Variants in BRCA1 observed in about 807,000 individuals in gnomAD.
BRCA1 encodes the protein BRCA1 DNA repair associated, also known as breast cancer type 1 susceptibility protein.
A neutral mutation model predicts 173.7 loss-of-function variants in BRCA1; 140 were observed. The observed-to-expected ratio is 0.81, with a 90% CI of 0.70 to 0.93. The LOEUF is 0.93. Among genes scored for constraint, BRCA1 ranks in the 40% least tolerant of loss-of-function variants. The pLI, the probability that BRCA1 is intolerant of heterozygous loss-of-function variation, is 0.00. For missense variants in BRCA1, 1,983 were observed against 2,172.5 expected (o/e 0.91, Z 1.73); for synonymous variants, 662 against 756.0 (o/e 0.88, Z 2.04).
At chr17:43,113,646 C>T (rs965431412) in intron 3 of BRCA1, among the ~76,000 whole-genome samples, 12 of 152,226 alleles carry the variant, frequency 7.9e-5, no homozygotes, top group Non-Finnish European at 1.6e-4. Flanking sequence ...GTATTATAGG[C>T]GTGAGCCACC....
rs80358166 is a variant in BRCA1 at position 43,051,059 on chromosome 17, T to A, written c.5332+4A>T. 1 of 1,613,814 alleles carries A rather than the reference T, an allele frequency of 6.2e-7. No individual in the cohort carries two copies. The highest frequency in any genetic ancestry group is 8.5e-7 in the Non-Finnish European group (1 of 1,179,706). ...GGAACTCTGGGGTTCTCCCAGGCTC[T>A]TACCTGTGGGCATGTTGGTGAAGGG... is the stretch of plus-strand genomic sequence containing the variant. On this transcript the variant is annotated splice_donor_region_variant and intron_variant, in intron 20 of 22. Transcript: ENST00000357654.
chr17:43,051,638 CTTTTTT>C lies in BRCA1; in HGVS notation c.5278-527_5278-522del, dbSNP rs1163251551. ...TGTACATGCTCCTTGTCTCCTCTGACTTTTTTTTTTTTTTTTGAGACGGAGTCTCTC... is the reference window on the plus strand; with the variant it reads ...TGTACATGCTCCTTGTCTCCTCTGACTTTTTTTTTTGAGACGGAGTCTCTC... On this transcript the variant is annotated intron_variant, in intron 19 of 22. Transcript: ENST00000357654. Among the ~76,000 whole-genome samples, 8 of 141,120 alleles carry C rather than the reference CTTTTTT, an allele frequency of 5.7e-5. No individual in the cohort carries two copies. The South Asian group carries it at 1.8e-3, about 32-fold the overall frequency. The allele number at this position is 141,120 out of a possible 152,430, so 92.6% of individuals were successfully genotyped here.
At chr17:43,091,387 C>T (rs1567788876) in intron 10 of BRCA1, 48 bp downstream of exon 10, 1 of 1,606,604 alleles carries the variant, frequency 6.2e-7, no homozygotes, top group Middle Eastern at 1.7e-4. Flanking sequence ...ACATTTAGCT[C>T]ACTTCTATAA....
Position 43,051,794 on chromosome 17 carries a change from G to A in BRCA1, c.5278-677C>T, listed in dbSNP as rs375117640. 1.8e-4 allele frequency among the ~76,000 whole-genome samples: 27 copies of A among 152,006 alleles called. No individual in the cohort carries two copies. In the East Asian group the frequency reaches 2.9e-3, roughly 16 times the overall value. On this transcript the variant is annotated intron_variant, in intron 19 of 22. Coordinates refer to ENST00000357654, the MANE Select transcript of BRCA1 (RefSeq NM_007294.4). ...TGGGATTACAGGCGCGCACCACCAC[G>A]CCCGGCTAATTTTTGTATTTTTAGT...
chr17:43,044,326 T>G lies in BRCA1; in HGVS notation c.*1352A>C, dbSNP rs1004705814. Reference sequence around the variant, plus strand: ...TGTTTGCTACCAAGTTTATTTGCAGTGTTAACAGCACAACATTTACAAAAC... The same window carrying G: ...TGTTTGCTACCAAGTTTATTTGCAGGGTTAACAGCACAACATTTACAAAAC... On this transcript the variant is annotated 3_prime_UTR_variant, in exon 23 of 23. Transcript: ENST00000357654. The G allele has an allele frequency of 1.0e-5, 5 of 485,964 alleles. No homozygotes were observed. Among genetic ancestry groups the G allele is most frequent in the African/African-American group, 9.7e-5 (5 of 51,286 alleles). 30.1% of individuals were successfully genotyped at this position (485,964 alleles called of 1,614,324 possible).
rs536209322 is a variant in BRCA1, at chr17:43,062,098, CTTT to C, written c.5193+1232_5193+1234del. Among the ~76,000 whole-genome samples, 2,833 of 146,472 alleles carry C rather than the reference CTTT, an allele frequency of 0.019. 40 individuals carry two copies. The highest frequency in any genetic ancestry group is 0.028 in the Non-Finnish European group (1,845 of 66,100). ...GTATATATGCATATGCACACACACA[CTTT>C]TTTTTTTTTAAGAGACAGGGTCTTG... On this transcript the variant is annotated intron_variant, in intron 18 of 22. Transcript: ENST00000357654.
intron 19 of BRCA1, among the ~76,000 whole-genome samples, chr17:43,053,736 G>A (rs904013017): frequency 3.3e-5 from 5 of 152,040 alleles, no homozygotes; most frequent in Non-Finnish European, 5.9e-5. Context: ...TTGGGAGGCC[G>A]AGGTGGGTGG....
At chr17:43,049,381 T>C (rs2051108839) in intron 20 of BRCA1, among the ~76,000 whole-genome samples, 187 bp from the exon 21 acceptor site, 1 of 152,188 alleles carries the variant, frequency 6.6e-6, no homozygotes, top group South Asian at 2.1e-4. Context: ...TTGCCACTGA[T>C]ATGCCATGTA....
At chr17:43,048,602 C>T (rs1283566621) in intron 21 of BRCA1, among the ~76,000 whole-genome samples, 1 of 151,738 alleles carries the variant, frequency 6.6e-6, no homozygotes, top group Non-Finnish European at 1.5e-5. Context: ...GCAACCTCTG[C>T]CTCCCACGTT....
At position 43,156,049 on chromosome 17, in the gene BRCA1, C is replaced by T. The variant is rs35812864; in HGVS notation, c.-20+14077G>A. Among the ~76,000 whole-genome samples, 1,481 of 152,076 alleles carry T rather than the reference C, an allele frequency of 9.7e-3. 35 individuals are homozygous for T. The highest frequency in any genetic ancestry group is 0.034 in the African/African-American group (1,419 of 41,492). On this transcript the variant is annotated intron_variant, in intron 1 of 7. Transcript: ENST00000634433. ...GTCAGGAGTTTGAGACCAGCCTAGCCAATATGGGGAAACCCCGCCTCTGCT... is the reference window on the plus strand; with the variant it reads ...GTCAGGAGTTTGAGACCAGCCTAGCTAATATGGGGAAACCCCGCCTCTGCT...
At chr17:43,130,515 T>C (rs1468347051) in intron 1 of BRCA1, among the ~76,000 whole-genome samples, 4 of 152,198 alleles carry the variant, frequency 2.6e-5, no homozygotes, top group Non-Finnish European at 2.9e-5. Context: ...AGTTTCACCA[T>C]GTTGGCTAGG....
chr17:43,094,616 A>G lies in BRCA1; in HGVS notation c.915T>C (p.Cys305=), dbSNP rs2154485509. The G allele has an allele frequency of 6.2e-7, 1 of 1,614,040 alleles. No individual in the cohort carries two copies. The highest frequency in any genetic ancestry group is 8.5e-7 in the Non-Finnish European group (1 of 1,180,024). Residue 305 remains cysteine, a synonymous_variant, in exon 10 of 23, where the codon TGT becomes TGC. Coordinates refer to ENST00000357654, the MANE Select transcript of BRCA1 (RefSeq NM_007294.4). ...CTAAGCCAGGCTGTTTGCTTTTATT[A>G]CAGAATTCAGCCTTTTCTACATTCA... ...DRMNVEKAEF[C]NKSKQPGLAR...
upstream of BRCA1, among the ~76,000 whole-genome samples, chr17:43,129,618 CA>C (rs375711123): frequency 0.024 from 3,725 of 152,216 alleles, 75 homozygotes; most frequent in Non-Finnish European, 0.035. Context: ...GGACTACAGG[CA>C]CCCGCCATCA....
At chr17:43,162,624 T>C (rs146201590) in intron 1 of BRCA1, 48 of 152,302 alleles carry the variant, frequency 3.2e-4, no homozygotes, top group African/African-American at 1.1e-3. Context: ...CAACCTTTTG[T>C]CCTACCTCAG....
At chr17:43,117,970 G>A (rs1312783888) in intron 2 of BRCA1, among the ~76,000 whole-genome samples, 1 of 152,092 alleles carries the variant, frequency 6.6e-6, no homozygotes, top group Non-Finnish European at 1.5e-5. Flanking sequence ...ATTCTAGTGT[G>A]GTAGACAGTT....
chr17:43,073,583 T>C (rs2052550160), intron 14 of BRCA1, among the ~76,000 whole-genome samples: 3 of 152,148 alleles, frequency 2.0e-5, no homozygotes, highest in Admixed American at 1.3e-4. Flanking sequence ...ACACCATTCA[T>C]TAAAAGTGAT....
At chr17:43,111,552 T>G (rs1221952205) in intron 3 of BRCA1, among the ~76,000 whole-genome samples, 1 of 145,920 alleles carries the variant, frequency 6.9e-6, no homozygotes, top group African/African-American at 2.6e-5. Flanking sequence ...CCGGGCGTGG[T>G]GGCTCACACT....
chr17:43,116,013 G>A (rs1320184528), intron 2 of BRCA1, among the ~76,000 whole-genome samples: 1 of 152,034 alleles, frequency 6.6e-6, no homozygotes, highest in Non-Finnish European at 1.5e-5. Context: ...GAATTATATT[G>A]ATCCCTTCAA....
upstream of BRCA1, chr17:43,125,916 A>G (rs1049475681): frequency 2.6e-5 from 4 of 153,068 alleles, no homozygotes; most frequent in Admixed American, 2.6e-4. Context: ...AGCGGGCACA[A>G]TTCTCACGGA....
Sources: allele counts gnomAD v4.1 joint callset (sites outside exome capture counted in the v4.1 genomes callset), GRCh38; gene constraint gnomAD v4.1.1; transcripts MANE v1.5; gene names NCBI Gene and HGNC (gene_info 2026-07-23, HGNC 2026-07-21).